Variants in GRIK3 observed in about 807,000 individuals in gnomAD.
GRIK3 encodes the protein glutamate ionotropic receptor kainate type subunit 3.
A neutral mutation model predicts 102.5 loss-of-function variants in GRIK3; 29 were observed. That is an observed-to-expected ratio of 0.28 (90% CI 0.21 to 0.39). The LOEUF is 0.39. Among genes scored for constraint, GRIK3 ranks in the 10% least tolerant of loss-of-function variants. GRIK3 has a pLI of 1.00. For missense variants in GRIK3, 908 were observed against 1,252.4 expected (o/e 0.73, Z 4.15); for synonymous variants, 511 against 504.9 (o/e 1.01, Z -0.16).
intron 1 of GRIK3, among the ~76,000 whole-genome samples, chr1:36,962,644 G>C (rs1642025004): frequency 8.4e-6 from 1 of 119,254 alleles, no homozygotes; most frequent in Non-Finnish European, 1.8e-5. Context: ...GAGAGGAAGA[G>C]AGAGAGAGAG....
rs541510012 is a variant in GRIK3 at position 36,958,975 on chromosome 1, C to T, written c.116-67879G>A. Among the ~76,000 whole-genome samples, 159 of 111,250 alleles carry T rather than the reference C, an allele frequency of 1.4e-3. 23 individuals are homozygous for T. The highest frequency in any genetic ancestry group is 2.6e-3 in the Non-Finnish European group (134 of 52,134). The allele number at this position is 111,250 out of a possible 152,430, so 73.0% of individuals were successfully genotyped here. A position where few individuals can be genotyped will look rare whatever the true frequency, so the allele number is the denominator to read the frequency against. ...CTGTGAGCCTGCACCCCATGAGCCTCTGTGACCTGTGAGTTTGTGAGTCTG... is the reference window on the plus strand; with the variant it reads ...CTGTGAGCCTGCACCCCATGAGCCTTTGTGACCTGTGAGTTTGTGAGTCTG... On this transcript the variant is annotated intron_variant, in intron 1 of 15. Coordinates refer to ENST00000373091, the MANE Select transcript of GRIK3 (RefSeq NM_000831.4).
At chr1:36,889,340 G>A (rs1641076908) in intron 2 of GRIK3, among the ~76,000 whole-genome samples, 1 of 151,664 alleles carries the variant, frequency 6.6e-6, no homozygotes, top group African/African-American at 2.4e-5. Flanking sequence ...CCAGAGGTGG[G>A]AGGAAGCATG....
Position 36,936,622 on chromosome 1 carries a change from C to T in GRIK3, c.116-45526G>A, listed in dbSNP as rs981874832. Among the ~76,000 whole-genome samples, 4 of 152,152 alleles carry T rather than the reference C, an allele frequency of 2.6e-5. No individual in the cohort carries two copies. The East Asian group carries it at 5.8e-4, about 22-fold the overall frequency. On this transcript the variant is annotated intron_variant, in intron 1 of 15. Coordinates refer to ENST00000373091, the MANE Select transcript of GRIK3 (RefSeq NM_000831.4). ...CCATTCTCCAGCTTTATTTACTCCCCGGCTTTATTAAAGCAGTTAACACCA... is the reference window on the plus strand; with the variant it reads ...CCATTCTCCAGCTTTATTTACTCCCTGGCTTTATTAAAGCAGTTAACACCA...
intron 1 of GRIK3, among the ~76,000 whole-genome samples, chr1:37,030,965 T>C (rs1251852340): frequency 6.6e-6 from 1 of 152,124 alleles, no homozygotes; most frequent in Non-Finnish European, 1.5e-5. Flanking sequence ...CCAGACCTCC[T>C]GGCTCCAAGT....
In GRIK3 at chr1:36,846,154, C is replaced by T. The variant is rs564366886; in HGVS notation, c.1326+4157G>A. The stretch of plus-strand genomic sequence containing the variant: ...TGGGCAGATGAATTTTTCATGAGCT[C>T]GTGGAAGAGCGGAACCAGAACAGAG... On this transcript the variant is annotated intron_variant, in intron 9 of 15. Transcript: ENST00000373091. Among the ~76,000 whole-genome samples the T allele has an allele frequency of 8.7e-4, 133 of 152,042 alleles. 1 individual carries two copies. The highest frequency in any genetic ancestry group is 6.4e-3 in the Admixed American group (97 of 15,268).
At chr1:36,988,450 A>G (rs553494264) in intron 1 of GRIK3, among the ~76,000 whole-genome samples, 1 of 152,320 alleles carries the variant, frequency 6.6e-6, no homozygotes, top group African/African-American at 2.4e-5. Flanking sequence ...CGTTGGGAAC[A>G]CCCAAGCCCG....
intron 4 of GRIK3, among the ~76,000 whole-genome samples, chr1:36,871,180 GGC>G (rs2124252674): frequency 6.6e-6 from 1 of 152,242 alleles, no homozygotes; most frequent in Admixed American, 6.5e-5. Flanking sequence ...CTTGCTCCAG[GGC>G]ACACAACGTG....
chr1:36,913,310 C>A (rs1224938688), intron 1 of GRIK3, among the ~76,000 whole-genome samples: 1 of 152,166 alleles, frequency 6.6e-6, no homozygotes, highest in Non-Finnish European at 1.5e-5. Context: ...CCTGAGAAAG[C>A]CAGAAGGCCC....
At chr1:36,830,804 C>T in intron 10 of GRIK3, among the ~76,000 whole-genome samples, 1 of 110,178 alleles carries the variant, frequency 9.1e-6, no homozygotes, top group East Asian at 2.8e-4. Flanking sequence ...GAGCGAGACT[C>T]TGTCTCAAAA....
rs1430331372 is a variant in GRIK3 at position 36,801,712 on chromosome 1, G to C, written c.*139C>G. On this transcript the variant is annotated 3_prime_UTR_variant, in exon 16 of 16. Transcript: ENST00000373091. ...AGCCTGCTGGCTTCCTGGCAGGTAA[G>C]GGCAGGAGGCTCCTGGCCCAACAGG... is the stretch of plus-strand genomic sequence containing the variant. The C allele has an allele frequency of 1.6e-6, 1 of 640,150 alleles. No individual in the cohort carries two copies. Among genetic ancestry groups the C allele is most frequent in the Non-Finnish European group, 2.5e-6 (1 of 397,476 alleles). 39.7% of individuals were successfully genotyped at this position (640,150 alleles called of 1,614,324 possible).
intron 1 of GRIK3, among the ~76,000 whole-genome samples, chr1:36,978,115 G>A (rs1431438656): frequency 6.6e-6 from 1 of 152,262 alleles, no homozygotes; most frequent in Non-Finnish European, 1.5e-5. Flanking sequence ...TATGTTCATT[G>A]ACACAGTGAA....
intron 11 of GRIK3, among the ~76,000 whole-genome samples, chr1:36,824,243 G>A (rs1048305122): frequency 1.3e-5 from 2 of 152,158 alleles, no homozygotes; most frequent in South Asian, 2.1e-4. Flanking sequence ...AGGGCAGAGC[G>A]GATGCCAGAA....
rs1480906449 is a variant in GRIK3, at chr1:36,801,651, A to G, written c.*200T>C. Reference sequence around the variant, plus strand: ...TGGCAGCTTTAGAAACCCACAGAAGATCTGAGGAGGATGAAGCCCAAGCAG... The same window carrying G: ...TGGCAGCTTTAGAAACCCACAGAAGGTCTGAGGAGGATGAAGCCCAAGCAG... On this transcript the variant is annotated 3_prime_UTR_variant, in exon 16 of 16. Coordinates refer to ENST00000373091, the MANE Select transcript of GRIK3 (RefSeq NM_000831.4). 2.1e-6 allele frequency: 1 copy of G among 472,680 alleles called. No homozygotes were observed. The highest frequency in any genetic ancestry group is 3.7e-6 in the Non-Finnish European group (1 of 270,548). 29.3% of individuals were successfully genotyped at this position (472,680 alleles called of 1,614,324 possible).
At chr1:36,914,991 T>C (rs1641383203) in intron 1 of GRIK3, among the ~76,000 whole-genome samples, 1 of 152,190 alleles carries the variant, frequency 6.6e-6, no homozygotes, top group Non-Finnish European at 1.5e-5. Flanking sequence ...TTAATTATTA[T>C]CATTAGCACA....
intron 10 of GRIK3, among the ~76,000 whole-genome samples, chr1:36,828,566 G>A (rs1464700079): frequency 6.6e-6 from 1 of 152,174 alleles, no homozygotes; most frequent in African/African-American, 2.4e-5. Flanking sequence ...ATCTAGGTGT[G>A]TGGAAGTATA....
intron 1 of GRIK3, among the ~76,000 whole-genome samples, chr1:36,905,690 T>C (rs1224998070): frequency 6.6e-6 from 1 of 152,234 alleles, no homozygotes; most frequent in Non-Finnish European, 1.5e-5. Flanking sequence ...TATCTCTGGA[T>C]AGAAGTTTAT....
At chr1:36,919,267 G>A (rs1641440518) in intron 1 of GRIK3, among the ~76,000 whole-genome samples, 1 of 152,136 alleles carries the variant, frequency 6.6e-6, no homozygotes, top group Non-Finnish European at 1.5e-5. Flanking sequence ...GTGTTCAAGG[G>A]GAAGAAAATG....
intron 15 of GRIK3, among the ~76,000 whole-genome samples, chr1:36,804,236 G>C (rs1219301120): frequency 6.6e-6 from 1 of 152,098 alleles, no homozygotes; most frequent in Non-Finnish European, 1.5e-5. Context: ...CAATATCCTT[G>C]AACTTCTCTG....
intron 9 of GRIK3, 149 bp from the exon 10 acceptor site, chr1:36,842,088 G>A (rs566357153): frequency 1.5e-5 from 10 of 679,334 alleles, no homozygotes; most frequent in African/African-American, 3.5e-5. Context: ...AGTCAGGAGC[G>A]GGAAAGCACA....
Sources: allele counts gnomAD v4.1 joint callset (sites outside exome capture counted in the v4.1 genomes callset), GRCh38; gene constraint gnomAD v4.1.1; transcripts MANE v1.5; gene names NCBI Gene and HGNC (gene_info 2026-07-23, HGNC 2026-07-21).